The following SH3BGRL variants were observed in gnomAD, a reference collection of about 807,000 sequenced individuals.
SH3BGRL encodes the protein adapter SH3BGRL.
SH3BGRL carries 7 observed loss-of-function variants against 9.8 expected under a neutral mutation model. That is an observed-to-expected ratio of 0.72 (90% CI 0.41 to 1.35). The LOEUF (loss-of-function observed/expected upper bound fraction) is 1.35. Ranked by LOEUF, SH3BGRL falls within the 40% of genes most tolerant of loss-of-function variation. The pLI is 0.01. For synonymous variants in SH3BGRL, 36 were observed against 29.1 expected, an observed-to-expected ratio of 1.24 and a Z score of -0.76; for missense variants, 73 against 84.4, an observed-to-expected ratio of 0.86 and a Z score of 0.53.
rs1402964364 is a variant in SH3BGRL at position 81,255,224 on chromosome X, A to G, written c.46-21760A>G. Among the ~76,000 whole-genome samples, 5 of 111,425 alleles carry G rather than the reference A, an allele frequency of 4.5e-5. No individual in the cohort carries two copies. The Admixed American group carries it at 4.7e-4, about 11-fold the overall frequency. On this transcript the variant is annotated intron_variant, in intron 1 of 3. Coordinates refer to ENST00000373212, the MANE Select transcript of SH3BGRL (RefSeq NM_003022.3). The stretch of plus-strand genomic sequence containing the variant: ...TAAAAAGCAAAATTGCAATCATCCT[A>G]TGTTTGTGGAAGGCCATTTACACTC...
intron 3 of SH3BGRL, among the ~76,000 whole-genome samples, chrX:81,279,281 C>A: frequency 9.0e-6 from 1 of 111,292 alleles, no homozygotes; most frequent in East Asian, 2.8e-4. Flanking sequence ...AGGCTTTGTA[C>A]AATTTGAGCC....
chrX:81,243,489 A>G (rs2075678125), intron 1 of SH3BGRL, among the ~76,000 whole-genome samples: 1 of 111,748 alleles, frequency 8.9e-6, no homozygotes, highest in Admixed American at 9.5e-5. Context: ...CAACAGGGTG[A>G]CTGTTGTCAA....
At chrX:81,247,827 G>A (rs974688724) in intron 1 of SH3BGRL, among the ~76,000 whole-genome samples, 2 of 110,651 alleles carry the variant, frequency 1.8e-5, no homozygotes, top group South Asian at 7.7e-4. Flanking sequence ...TTTTTAGAAT[G>A]AGTAAGGGAG....
rs2075878246 is a variant in SH3BGRL at position 81,297,213 on chromosome X, A to AAGC, written c.336_338dup (p.Gln113dup). The stretch of plus-strand genomic sequence containing the variant: ...ATTTCAGGAAGCAGAAGTGCAAGCA[A>AAGC]AGCAGCAAGCATGAACCTTAAGCAC... On this transcript the variant is annotated inframe_insertion, in exon 4 of 4. Transcript: ENST00000373212. 5 of 1,206,403 alleles carry AAGC rather than the reference A, an allele frequency of 4.1e-6. No individual in the cohort carries two copies. Among genetic ancestry groups the AAGC allele is most frequent in the African/African-American group, 1.7e-5 (1 of 57,149 alleles).
chrX:81,222,967 T>A (rs2075604858), intron 1 of SH3BGRL, among the ~76,000 whole-genome samples: 1 of 112,318 alleles, frequency 8.9e-6, no homozygotes, highest in African/African-American at 3.2e-5. Context: ...TGCATAAATG[T>A]CTTCTTTTGA....
chrX:81,291,993 G>T (rs2075859445), intron 3 of SH3BGRL, among the ~76,000 whole-genome samples: 1 of 111,819 alleles, frequency 8.9e-6, no homozygotes, highest in South Asian at 3.8e-4. Context: ...TGCACTCATG[G>T]GCTGGTGATG....
At chrX:81,228,333 C>T (rs1029230645) in intron 1 of SH3BGRL, among the ~76,000 whole-genome samples, 3 of 111,397 alleles carry the variant, frequency 2.7e-5, no homozygotes, top group Non-Finnish European at 3.8e-5. Flanking sequence ...GTGCTGGGAG[C>T]GGGGACAGCT....
At chrX:81,288,027 C>T (rs1325639247) in intron 3 of SH3BGRL, among the ~76,000 whole-genome samples, 2 of 110,501 alleles carry the variant, frequency 1.8e-5, no homozygotes, top group African/African-American at 6.6e-5. Flanking sequence ...AATACTGATA[C>T]AAAATTTTTC....
chrX:81,279,996 C>T (rs1038963875), intron 3 of SH3BGRL, among the ~76,000 whole-genome samples: 2 of 111,390 alleles, frequency 1.8e-5, no homozygotes, highest in African/African-American at 6.6e-5. Context: ...TGGACGGGGG[C>T]TTGGTGGAAG....
intron 1 of SH3BGRL, among the ~76,000 whole-genome samples, chrX:81,205,857 T>G: frequency 9.0e-6 from 1 of 111,121 alleles, no homozygotes; most frequent in Non-Finnish European, 1.9e-5. Flanking sequence ...TTCCGCTTTC[T>G]CAGTGCCCTT....
chrX:81,241,330 C>T (rs1463847785), intron 1 of SH3BGRL, among the ~76,000 whole-genome samples: 1 of 112,243 alleles, frequency 8.9e-6, no homozygotes, highest in Non-Finnish European at 1.9e-5. Context: ...CAGACAGTCT[C>T]CGGGGTGGAA....
intron 1 of SH3BGRL, among the ~76,000 whole-genome samples, chrX:81,242,228 T>C (rs955262986): frequency 9.0e-6 from 1 of 111,411 alleles, no homozygotes; most frequent in African/African-American, 3.3e-5. Context: ...CATAGACCAA[T>C]AGAACAGACT....
chrX:81,221,592 T>G (rs1474013692), intron 1 of SH3BGRL, among the ~76,000 whole-genome samples: 2 of 111,940 alleles, frequency 1.8e-5, no homozygotes, highest in Non-Finnish European at 3.8e-5. Flanking sequence ...ACATTTGAAC[T>G]CTGGCAAAAT....
chrX:81,266,482 C>T (rs765003868), intron 1 of SH3BGRL, among the ~76,000 whole-genome samples: 1 of 111,511 alleles, frequency 9.0e-6, no homozygotes, highest in Non-Finnish European at 1.9e-5. Flanking sequence ...TCATTGCTTG[C>T]GTGTGTCAGA....
chrX:81,205,349 G>A (rs763096959), intron 1 of SH3BGRL, among the ~76,000 whole-genome samples: 1 of 110,178 alleles, frequency 9.1e-6, no homozygotes, highest in African/African-American at 3.3e-5. Context: ...TCTGTGTTAT[G>A]TCTTAGTTCA....
intron 3 of SH3BGRL, among the ~76,000 whole-genome samples, chrX:81,291,478 C>T (rs2075857943): frequency 9.0e-6 from 1 of 111,613 alleles, no homozygotes; most frequent in Admixed American, 9.5e-5. Flanking sequence ...CCAGGCCCCT[C>T]CTCCAACAAT....
At chrX:81,256,044 G>A (rs180789782) in intron 1 of SH3BGRL, among the ~76,000 whole-genome samples, 45 of 111,803 alleles carry the variant, frequency 4.0e-4, no homozygotes, top group Non-Finnish European at 3.8e-5. Context: ...GGGGACTTTC[G>A]GAGATTATGT....
intron 2 of SH3BGRL, among the ~76,000 whole-genome samples, 166 bp from the exon 3 acceptor site, chrX:81,278,165 G>A (rs774655676): frequency 8.9e-6 from 1 of 112,392 alleles, no homozygotes; most frequent in Non-Finnish European, 1.9e-5. Context: ...GTTTCTCCAT[G>A]TTGGTCAGGC....
At chrX:81,284,237 G>T (rs1467934480) in intron 3 of SH3BGRL, among the ~76,000 whole-genome samples, 1 of 110,907 alleles carries the variant, frequency 9.0e-6, no homozygotes, top group East Asian at 2.8e-4. Flanking sequence ...TGACCAAACT[G>T]CCAAAAGCAA....
Sources: gnomAD v4.1 joint callset for allele counts (sites outside exome capture counted in the v4.1 genomes callset) on GRCh38, gnomAD v4.1.1 for gene constraint, MANE v1.5 for transcripts, NCBI Gene and HGNC (gene_info 2026-07-23, HGNC 2026-07-21) for gene names.